Variants in IPP observed in about 807,000 individuals in gnomAD.
IPP encodes intracisternal A particle-promoted polypeptide, also known as actin-binding protein IPP.
A neutral mutation model predicts 64.1 loss-of-function variants in IPP; 41 were observed. The ratio of observed to expected loss-of-function variants is 0.64; its 90% CI spans 0.50 to 0.83. The LOEUF (loss-of-function observed/expected upper bound fraction) is 0.83, where lower values mean the gene tolerates loss of function less well. IPP is among the 40% of genes least tolerant of loss of function. IPP has a pLI of 0.00. For missense variants in IPP, 649 were observed against 703.0 expected (o/e 0.92, Z 0.87); for synonymous variants, 214 against 235.2 (o/e 0.91, Z 0.83).
chr1:45,731,160 G>A (rs570357228), intron 3 of IPP, among the ~76,000 whole-genome samples: 3 of 152,326 alleles, frequency 2.0e-5, no homozygotes, highest in South Asian at 2.1e-4. Context: ...AAGTGGCAAG[G>A]GCCAGCACAG....
chr1:45,727,822 T>C, intron 4 of IPP, 24 bp from the exon 5 acceptor site: 1 of 1,484,514 alleles, frequency 6.7e-7, no homozygotes, highest in Non-Finnish European at 9.1e-7. Flanking sequence ...GAAAAGGTAG[T>C]AATGAAAATC....
rs567902783 is a variant in IPP at position 45,716,023 on chromosome 1, A to C, written c.1309+872T>G. On this transcript the variant is annotated intron_variant, in intron 7 of 8. Coordinates refer to ENST00000396478, the MANE Select transcript of IPP (RefSeq NM_005897.3). ...GCTTTCTTCTCCACAGGTGCATAAA[A>C]ATCAGCTCTCCAATCCTACACAGAG... Among the ~76,000 whole-genome samples, 51 of 152,288 alleles carry C rather than the reference A, an allele frequency of 3.3e-4. 1 individual carries two copies. The highest frequency in any genetic ancestry group is 2.2e-4 in the Non-Finnish European group (15 of 68,016).
In IPP at chr1:45,700,032, T is replaced by C; in HGVS notation, c.1689A>G (p.Ser563=). The C allele has an allele frequency of 3.1e-6, 5 of 1,614,180 alleles. No homozygotes were observed. Among genetic ancestry groups the C allele is most frequent in the Non-Finnish European group, 4.2e-6 (5 of 1,180,026 alleles). Residue 563 remains serine, a synonymous_variant, in exon 9 of 9, where the codon TCA becomes TCG. Coordinates refer to ENST00000396478, the MANE Select transcript of IPP (RefSeq NM_005897.3). The part of the protein sequence containing the change: ...LDSVEVYNPH[S]DTWTEIGNMI... Reference sequence around the variant, plus strand: ...TGTTACCAATTTCTGTCCATGTATCTGAATGAGGGTTATAAACTTCAACTG... The same window carrying C: ...TGTTACCAATTTCTGTCCATGTATCCGAATGAGGGTTATAAACTTCAACTG...
chr1:45,714,560 T>C, intron 7 of IPP, 94 bp from the exon 8 acceptor site: 3 of 762,050 alleles, frequency 3.9e-6, no homozygotes, highest in South Asian at 3.2e-5. Flanking sequence ...CCAATGCCGA[T>C]GCTATGTTTA....
chr1:45,727,346 C>T (rs1408510880), intron 5 of IPP, among the ~76,000 whole-genome samples: 1 of 152,088 alleles, frequency 6.6e-6, no homozygotes, highest in Non-Finnish European at 1.5e-5. Flanking sequence ...CACTGCACCC[C>T]GCCACAACTT....
intron 8 of IPP, among the ~76,000 whole-genome samples, chr1:45,711,453 A>G (rs1242332168): frequency 5.9e-5 from 9 of 151,790 alleles, no homozygotes; most frequent in Admixed American, 5.9e-4. Context: ...TGAAAACACT[A>G]ATGAAAAGAA....
At chr1:45,725,143 G>C (rs1645799237) in intron 5 of IPP, among the ~76,000 whole-genome samples, 1 of 113,118 alleles carries the variant, frequency 8.8e-6, no homozygotes, top group Non-Finnish European at 1.8e-5. Flanking sequence ...CCGGCCAGCC[G>C]CCCCGTCCGG....
chr1:45,740,386 C>T (rs1557759578), intron 3 of IPP, among the ~76,000 whole-genome samples: 1 of 152,174 alleles, frequency 6.6e-6, no homozygotes, highest in Non-Finnish European at 1.5e-5. Flanking sequence ...TCCTCACTTC[C>T]CAGTAGGGGC....
chr1:45,711,028 A>C (rs1272840980), intron 8 of IPP, among the ~76,000 whole-genome samples: 1 of 142,850 alleles, frequency 7.0e-6, no homozygotes, highest in African/African-American at 2.6e-5. Flanking sequence ...CAAAACAAAC[A>C]AACAAAAAAA....
intron 5 of IPP, among the ~76,000 whole-genome samples, chr1:45,720,357 TA>T (rs1340578781): frequency 2.6e-5 from 4 of 152,172 alleles, no homozygotes; most frequent in Non-Finnish European, 5.9e-5. Flanking sequence ...AACATCTAAA[TA>T]AATGAAGAGA....
rs534622764 is a variant in IPP, at chr1:45,736,222, T to G, written c.724+4679A>C. On this transcript the variant is annotated intron_variant, in intron 3 of 8. Coordinates refer to ENST00000396478, the MANE Select transcript of IPP (RefSeq NM_005897.3). ...ATCATCCCGCCTTGGCCTCCCAAAG[T>G]GTTGGAATTACAGTTGTGACCACCA... Among the ~76,000 whole-genome samples, 65 of 152,098 alleles carry G rather than the reference T, an allele frequency of 4.3e-4. 1 individual carries two copies. In the South Asian group the frequency reaches 0.013, roughly 30 times the overall value.
At chr1:45,749,808 C>A (rs528684503) in intron 1 of IPP, among the ~76,000 whole-genome samples, 42 of 152,162 alleles carry the variant, frequency 2.8e-4, no homozygotes, top group South Asian at 1.0e-3. Context: ...GCGTGAGCCA[C>A]CGCGCCCGGC....
rs771076284 is a variant in IPP at position 45,746,136 on chromosome 1, T to C, written c.276A>G (p.Leu92=). The C allele has an allele frequency of 8.1e-6, 13 of 1,613,340 alleles. No individual in the cohort carries two copies. The Admixed American group carries it at 1.8e-4, about 23-fold the overall frequency. ...GIEAGIFQIL[L]DFIYTGIVNI... is the part of the protein sequence containing the mutation. ...GTAACATACCTGTGTAAATGAAATC[T>C]AGAAGTATCTGAAAGATTCCTGCTT... Residue 92 remains leucine (L), a synonymous_variant, in exon 2 of 9, where the codon CTA becomes CTG. Coordinates refer to ENST00000396478, the MANE Select transcript of IPP (RefSeq NM_005897.3).
chr1:45,723,591 T>C (rs962490653), intron 5 of IPP, among the ~76,000 whole-genome samples: 2 of 152,232 alleles, frequency 1.3e-5, no homozygotes, highest in African/African-American at 4.8e-5. Context: ...AATTGTGCTC[T>C]TTATGCAGAC....
In IPP at chr1:45,729,611, C is replaced by G. The variant is rs761584899; in HGVS notation, c.880+3G>C. ...TCTATTACTTTTTTAAGGGCTCTCT[C>G]ACCTACTGCATACAGGTACTTTCTT... On this transcript the variant is annotated splice_donor_region_variant and intron_variant, in intron 4 of 8. Transcript: ENST00000396478. The G allele has an allele frequency of 8.7e-6, 14 of 1,605,880 alleles. No homozygotes were observed. In the South Asian group the frequency reaches 1.6e-4, roughly 18 times the overall value.
At chr1:45,722,999 A>G (rs140421847) in intron 5 of IPP, among the ~76,000 whole-genome samples, 1,777 of 152,338 alleles carry the variant, frequency 0.012, 26 homozygotes, top group African/African-American at 0.037. Context: ...TGATGGGTAC[A>G]GTGTTTCTTT....
Position 45,746,214 on chromosome 1 carries a change from G to A in IPP, c.198C>T (p.Phe66=). ...AASSPYFAAL[F]TGGMKESSKD... is the part of the protein sequence containing the mutation. ...TTGAGGACTCTTTCATTCCTCCAGTGAACAAAGCTGCAAAGTAAGGACTGC... is the reference window on the plus strand; with the variant it reads ...TTGAGGACTCTTTCATTCCTCCAGTAAACAAAGCTGCAAAGTAAGGACTGC... Residue 66 remains phenylalanine, a synonymous_variant, in exon 2 of 9, where the codon TTC becomes TTT. Coordinates refer to ENST00000396478, the MANE Select transcript of IPP (RefSeq NM_005897.3). 1 of 1,614,120 alleles carries A rather than the reference G, an allele frequency of 6.2e-7. No homozygotes were observed. The highest frequency in any genetic ancestry group is 8.5e-7 in the Non-Finnish European group (1 of 1,179,986).
intron 2 of IPP, among the ~76,000 whole-genome samples, chr1:45,745,701 TA>T (rs756055700): frequency 4.0e-3 from 556 of 139,218 alleles, no homozygotes; most frequent in Non-Finnish European, 3.9e-3. Context: ...TACTAAAAAT[TA>T]AAAAAAAAAA....
At chr1:45,726,634 C>T (rs1425552118) in intron 5 of IPP, among the ~76,000 whole-genome samples, 2 of 151,820 alleles carry the variant, frequency 1.3e-5, no homozygotes, top group Non-Finnish European at 2.9e-5. Context: ...ATCCAGTATC[C>T]ATACTGCTTG....
Sources: allele counts gnomAD v4.1 joint callset (sites outside exome capture counted in the v4.1 genomes callset), GRCh38; gene constraint gnomAD v4.1.1; transcripts MANE v1.5; gene names NCBI Gene and HGNC (gene_info 2026-07-23, HGNC 2026-07-21).